The following PLXDC2 variants were observed in gnomAD, a reference collection of about 807,000 sequenced individuals.
PLXDC2 encodes plexin domain containing 2.
A neutral mutation model predicts 68.9 loss-of-function variants in PLXDC2; 40 were observed. The ratio of observed to expected loss-of-function variants is 0.58; its 90% CI spans 0.45 to 0.76. PLXDC2 has a LOEUF of 0.76. Ranked by LOEUF, PLXDC2 falls within the 30% of genes least tolerant of loss-of-function variation. The pLI, the probability that PLXDC2 is intolerant of heterozygous loss-of-function variation, is 0.00. For missense variants in PLXDC2, 644 were observed against 661.9 expected (o/e 0.97, Z 0.30); for synonymous variants, 243 against 234.2 (o/e 1.04, Z -0.34).
intron 9 of PLXDC2, among the ~76,000 whole-genome samples, chr10:20,192,162 G>T (rs1221873787): frequency 6.6e-6 from 1 of 152,102 alleles, no homozygotes; most frequent in South Asian, 2.1e-4. Flanking sequence ...TTTTTAGGCT[G>T]CATGGATTGT....
chr10:19,931,858 TA>T, intron 1 of PLXDC2, among the ~76,000 whole-genome samples: 1 of 152,158 alleles, frequency 6.6e-6, no homozygotes, highest in South Asian at 2.1e-4. Flanking sequence ...CATGGTCACA[TA>T]AAAAATATTA....
At chr10:20,162,449 T>A (rs1319243496) in intron 6 of PLXDC2, among the ~76,000 whole-genome samples, 1 of 152,068 alleles carries the variant, frequency 6.6e-6, no homozygotes, top group African/African-American at 2.4e-5. Flanking sequence ...CTCACAGAAG[T>A]TGGAGAAGGG....
intron 7 of PLXDC2, among the ~76,000 whole-genome samples, chr10:20,176,253 C>T (rs750907951): frequency 4.6e-5 from 7 of 151,804 alleles, no homozygotes; most frequent in Non-Finnish European, 8.8e-5. Flanking sequence ...TTTTTCCCTC[C>T]AGCTTTATGG....
intron 1 of PLXDC2, among the ~76,000 whole-genome samples, chr10:19,979,150 G>A (rs1834506551): frequency 6.6e-6 from 1 of 152,046 alleles, no homozygotes; most frequent in Non-Finnish European, 1.5e-5. Context: ...CATTTGCTAT[G>A]GGACCTTTTT....
At position 20,245,196 on chromosome 10, in the gene PLXDC2, C is replaced by T. The variant is rs187331683; in HGVS notation, c.1313-149C>T. ...TTCTTCATTGCCCATATGAAGAGCA[C>T]GTCACCTGTAAAATTGATGTTGCAG... On this transcript the variant is annotated intron_variant, in intron 12 of 13. Transcript: ENST00000377252. 216 of 690,274 alleles carry T rather than the reference C, an allele frequency of 3.1e-4. 1 individual carries two copies. Among genetic ancestry groups the T allele is most frequent in the Middle Eastern group, 3.0e-3 (10 of 3,360 alleles). 42.8% of individuals were successfully genotyped at this position (690,274 alleles called of 1,614,324 possible).
At chr10:19,975,224 G>A (rs965965724) in intron 1 of PLXDC2, among the ~76,000 whole-genome samples, 2 of 152,166 alleles carry the variant, frequency 1.3e-5, no homozygotes, top group Admixed American at 6.5e-5. Context: ...GGAGGCTGAG[G>A]CGGGCGGATC....
intron 7 of PLXDC2, among the ~76,000 whole-genome samples, chr10:20,172,185 A>C (rs1456280027): frequency 6.7e-6 from 1 of 150,282 alleles, no homozygotes; most frequent in Non-Finnish European, 1.5e-5. Context: ...GAGACCCAAC[A>C]CACCCAATTC....
chr10:19,920,963 T>C (rs1036997426), intron 1 of PLXDC2, among the ~76,000 whole-genome samples: 4 of 152,054 alleles, frequency 2.6e-5, no homozygotes, highest in Non-Finnish European at 5.9e-5. Flanking sequence ...GGTCTAGCTC[T>C]GTTTCCCAGG....
intron 1 of PLXDC2, among the ~76,000 whole-genome samples, chr10:19,896,879 C>T (rs1473911148): frequency 6.6e-6 from 1 of 152,182 alleles, no homozygotes; most frequent in Admixed American, 6.5e-5. Flanking sequence ...CTCTCTGTCT[C>T]ACAAATCCCA....
intron 1 of PLXDC2, among the ~76,000 whole-genome samples, chr10:19,861,133 C>T (rs1837313149): frequency 1.3e-5 from 2 of 151,840 alleles, no homozygotes; most frequent in East Asian, 3.9e-4. Context: ...CTCCCGGGTT[C>T]AAGTGATTCT....
intron 1 of PLXDC2, among the ~76,000 whole-genome samples, chr10:19,986,674 G>A (rs1834647560): frequency 6.6e-6 from 1 of 152,160 alleles, no homozygotes; most frequent in Admixed American, 6.5e-5. Flanking sequence ...TGGGAGTTGT[G>A]AGACATTATG....
At chr10:20,267,583 T>G (rs540426385) in intron 13 of PLXDC2, among the ~76,000 whole-genome samples, 2 of 152,282 alleles carry the variant, frequency 1.3e-5, no homozygotes, top group African/African-American at 4.8e-5. Context: ...AAGTGCTATT[T>G]TAAACACCAG....
Position 19,999,257 on chromosome 10 carries a change from A to C in PLXDC2, c.113-2518A>C, listed in dbSNP as rs371894964. On this transcript the variant is annotated intron_variant, in intron 1 of 13. Coordinates refer to ENST00000377252, the MANE Select transcript of PLXDC2 (RefSeq NM_032812.9). Reference sequence around the variant, plus strand: ...AAGTTCTGTTTTGTCCTATGTTATAAATATCTAAAAAATGGTAAAAATTAA... The same window carrying C: ...AAGTTCTGTTTTGTCCTATGTTATACATATCTAAAAAATGGTAAAAATTAA... 2.0e-5 allele frequency among the ~76,000 whole-genome samples: 3 copies of C among 152,160 alleles called. No individual in the cohort carries two copies. The East Asian group carries it at 5.8e-4, about 29-fold the overall frequency.
At chr10:19,891,850 AATTGCTTCT>A (rs1276742745) in intron 1 of PLXDC2, among the ~76,000 whole-genome samples, 1 of 152,230 alleles carries the variant, frequency 6.6e-6, no homozygotes, top group East Asian at 1.9e-4. Flanking sequence ...TTACATGTGA[AATTGCTTCT>A]TTGATTGAAA....
intron 2 of PLXDC2, among the ~76,000 whole-genome samples, chr10:20,031,687 C>T (rs1835503306): frequency 6.6e-6 from 1 of 152,058 alleles, no homozygotes; most frequent in Non-Finnish European, 1.5e-5. Context: ...ATAAATTAGC[C>T]TTGTAAAATA....
chr10:20,025,409 T>C (rs1343845095), intron 2 of PLXDC2, among the ~76,000 whole-genome samples: 1 of 151,986 alleles, frequency 6.6e-6, no homozygotes, highest in Non-Finnish European at 1.5e-5. Context: ...ATTACAGGCA[T>C]GCACCACCAT....
In PLXDC2 at chr10:20,250,602, C is replaced by T. The variant is rs75885298; in HGVS notation, c.1473+5097C>T. ...CAGTAGTGGAGTCAGGATTTAAGCC[C>T]AGGCTCTCCAACTCCAGAGACTATG... is the stretch of plus-strand genomic sequence containing the variant. On this transcript the variant is annotated intron_variant, in intron 13 of 13. Transcript: ENST00000377252. Among the ~76,000 whole-genome samples, 419 of 152,280 alleles carry T rather than the reference C, an allele frequency of 2.8e-3. 13 individuals carry two copies. The East Asian group carries it at 0.044, about 16-fold the overall frequency.
intron 1 of PLXDC2, among the ~76,000 whole-genome samples, chr10:19,956,056 G>A (rs554802851): frequency 6.6e-6 from 1 of 152,128 alleles, no homozygotes; most frequent in East Asian, 1.9e-4. Flanking sequence ...TCCAGCTTGG[G>A]TGACAAGAGT....
At chr10:20,109,931 C>T (rs1833537231) in intron 4 of PLXDC2, among the ~76,000 whole-genome samples, 1 of 152,154 alleles carries the variant, frequency 6.6e-6, no homozygotes, top group Admixed American at 6.5e-5. Context: ...TTCTCATTCC[C>T]AAGCATTCAC....
Sources: gnomAD v4.1 joint callset for allele counts (sites outside exome capture counted in the v4.1 genomes callset) on GRCh38, gnomAD v4.1.1 for gene constraint, MANE v1.5 for transcripts, NCBI Gene and HGNC (gene_info 2026-07-23, HGNC 2026-07-21) for gene names.